The following FAT3 variants were observed in gnomAD, a reference collection of about 807,000 sequenced individuals.
FAT3 encodes FAT atypical cadherin 3, also known as protocadherin Fat 3.
In FAT3, 95 loss-of-function variants were observed where a neutral mutation model predicts 310.2. The ratio of observed to expected loss-of-function variants is 0.31; its 90% CI spans 0.26 to 0.36. The LOEUF (loss-of-function observed/expected upper bound fraction) is 0.36, where lower values mean the gene tolerates loss of function less well. Ranked by LOEUF, FAT3 falls within the 10% of genes least tolerant of loss-of-function variation. The probability of loss-of-function intolerance (pLI) is 1.00; values close to 1 mark genes in which losing one functional copy is unlikely to be tolerated. For synonymous variants in FAT3, 2,314 were observed against 2,192.9 expected (o/e 1.06, Z -1.54); for missense variants, 5,408 against 5,715.6 (o/e 0.95, Z 1.74).
rs1948660287 is a variant in FAT3, at chr11:92,354,209, G to A, written c.2097G>A (p.Lys699=). The A allele has an allele frequency of 1.2e-6, 2 of 1,613,760 alleles. No individual in the cohort carries two copies. The highest frequency in any genetic ancestry group is 1.7e-6 in the Non-Finnish European group (2 of 1,179,832). The change falls in exon 2 of 28, where the codon AAG becomes AAA. Residue 699 remains lysine (K), a synonymous_variant. Coordinates refer to ENST00000525166, the MANE Select transcript of FAT3 (RefSeq NM_001367949.2). ...AGCTGGCAGAGAAACTACTCATTAA[G>A]GCAAAAGCAAATGGGAAACTGAATC... The part of the protein sequence containing the change: ...AQKLAEKLLI[K]AKANGKLNLE...
intron 19 of FAT3, among the ~76,000 whole-genome samples, chr11:92,854,043 C>T (rs747694081): frequency 9.2e-5 from 14 of 152,258 alleles, no homozygotes; most frequent in South Asian, 2.1e-4. Context: ...TTCTGAAGGG[C>T]GCCTGCAGGC....
intron 4 of FAT3, among the ~76,000 whole-genome samples, chr11:92,748,410 T>C (rs1289089742): frequency 6.6e-6 from 1 of 152,194 alleles, no homozygotes; most frequent in Non-Finnish European, 1.5e-5. Flanking sequence ...AGCCAAACCA[T>C]ATGACTCTTT....
intron 3 of FAT3, among the ~76,000 whole-genome samples, chr11:92,563,267 A>G (rs1336825604): frequency 6.6e-6 from 1 of 152,190 alleles, no homozygotes; most frequent in African/African-American, 2.4e-5. Flanking sequence ...TGGACTATAT[A>G]TATAAGCAAC....
chr11:92,524,647 C>T lies in FAT3; in HGVS notation c.3306C>T (p.Ala1102=), dbSNP rs759143957. 1.1e-4 allele frequency: 185 copies of T among 1,612,704 alleles called. No homozygotes were observed. Among genetic ancestry groups the T allele is most frequent in the Middle Eastern group, 3.3e-4 (2 of 6,078 alleles). Residue 1102 remains alanine, a synonymous_variant, in exon 3 of 28, where the codon GCC becomes GCT. Transcript: ENST00000525166. ...TTTTTGTCTCAGGGGTCATCACTGC[C>T]GCAGACATTCTTGATCGGGAGACAA... ...SIDDESGVIT[A]ADILDRETMG...
chr11:92,734,350 C>T (rs1945276686), intron 4 of FAT3, among the ~76,000 whole-genome samples: 1 of 152,086 alleles, frequency 6.6e-6, no homozygotes, highest in South Asian at 2.1e-4. Context: ...CTTTTTGTTC[C>T]AAGTCCAGCA....
At chr11:92,760,753 T>C (rs1296900095) in intron 4 of FAT3, among the ~76,000 whole-genome samples, 1 of 152,176 alleles carries the variant, frequency 6.6e-6, no homozygotes, top group Non-Finnish European at 1.5e-5. Context: ...ACTATCGACA[T>C]GTTAGGTGTT....
intron 24 of FAT3, among the ~76,000 whole-genome samples, chr11:92,885,674 A>T (rs1297419585): frequency 6.6e-6 from 1 of 152,148 alleles, no homozygotes; most frequent in Non-Finnish European, 1.5e-5. Context: ...TTTTTTATTT[A>T]GCAATAAAAA....
chr11:92,463,996 G>A lies in FAT3; in HGVS notation c.3293-60638G>A, dbSNP rs143688694. ...TTGGATACTAAGCACCTAGCACATG[G>A]TTAAGGGCTTTATAAAGCATGGCTT... is the stretch of plus-strand genomic sequence containing the variant. On this transcript the variant is annotated intron_variant, in intron 2 of 27. Coordinates refer to ENST00000525166, the MANE Select transcript of FAT3 (RefSeq NM_001367949.2). Among the ~76,000 whole-genome samples the A allele has an allele frequency of 4.1e-3, 623 of 152,304 alleles. 6 individuals carry two copies. The highest frequency in any genetic ancestry group is 0.014 in the African/African-American group (589 of 41,580).
intron 2 of FAT3, among the ~76,000 whole-genome samples, chr11:92,505,625 T>C (rs1953076814): frequency 6.6e-6 from 1 of 152,148 alleles, no homozygotes; most frequent in Non-Finnish European, 1.5e-5. Context: ...TAATTAAATA[T>C]TGCTTTTAGC....
chr11:92,778,004 G>A (rs1339567259), intron 7 of FAT3, among the ~76,000 whole-genome samples: 3 of 151,972 alleles, frequency 2.0e-5, no homozygotes, highest in African/African-American at 4.8e-5. Context: ...CTCTGATGAA[G>A]TGGAAGATCC....
intron 2 of FAT3, among the ~76,000 whole-genome samples, chr11:92,399,240 CA>C (rs1387964986): frequency 2.0e-5 from 3 of 152,142 alleles, no homozygotes; most frequent in African/African-American, 7.2e-5. Context: ...TGATTGATAT[CA>C]GACATCATGT....
chr11:92,760,422 T>C (rs1307213815), intron 4 of FAT3, among the ~76,000 whole-genome samples: 1 of 152,246 alleles, frequency 6.6e-6, no homozygotes, highest in Non-Finnish European at 1.5e-5. Context: ...TGATTCACTG[T>C]TGTTTTTCTC....
chr11:92,253,582 C>A (rs1212299883), intron 1 of FAT3, among the ~76,000 whole-genome samples: 2 of 152,064 alleles, frequency 1.3e-5, no homozygotes. Context: ...CTCTCACTTG[C>A]CAAGAACACC....
chr11:92,337,677 A>C (rs965597050), intron 1 of FAT3, among the ~76,000 whole-genome samples: 1 of 152,154 alleles, frequency 6.6e-6, no homozygotes, highest in Non-Finnish European at 1.5e-5. Flanking sequence ...GGTGATCCAT[A>C]TGCCTCGGCC....
rs146791315 is a variant in FAT3, at chr11:92,795,960, C to G, written c.4823-1876C>G. Among the ~76,000 whole-genome samples the G allele has an allele frequency of 1.8e-3, 280 of 152,146 alleles. 1 individual carries two copies. The highest frequency in any genetic ancestry group is 0.014 in the Admixed American group (209 of 15,288). ...GTCAAAAGCTGGCTCCCTGCCATCC[C>G]CACCATAATCTATCTTTCTGGGCAT... On this transcript the variant is annotated intron_variant, in intron 9 of 27. Coordinates refer to ENST00000525166, the MANE Select transcript of FAT3 (RefSeq NM_001367949.2).
chr11:92,544,222 G>C (rs1468299831), intron 3 of FAT3, among the ~76,000 whole-genome samples: 1 of 152,112 alleles, frequency 6.6e-6, no homozygotes, highest in Non-Finnish European at 1.5e-5. Context: ...TATCTTTTCA[G>C]AGATATATAT....
At chr11:92,547,212 G>A (rs1172966186) in intron 3 of FAT3, among the ~76,000 whole-genome samples, 3 of 152,250 alleles carry the variant, frequency 2.0e-5, no homozygotes, top group Non-Finnish European at 2.9e-5. Context: ...CTAAAAGGGG[G>A]CAGCCGCTAT....
chr11:92,492,196 A>C (rs1952621123), intron 2 of FAT3, among the ~76,000 whole-genome samples: 1 of 152,024 alleles, frequency 6.6e-6, no homozygotes, highest in Admixed American at 6.6e-5. Context: ...AATTTGGTTA[A>C]AATAATCCTA....
At chr11:92,815,579 A>T (rs1947801908) in intron 13 of FAT3, among the ~76,000 whole-genome samples, 1 of 152,120 alleles carries the variant, frequency 6.6e-6, no homozygotes, top group Non-Finnish European at 1.5e-5. Flanking sequence ...TCTCAAAAAA[A>T]AACCAAGTAA....
Sources: allele counts gnomAD v4.1 joint callset (sites outside exome capture counted in the v4.1 genomes callset), GRCh38; gene constraint gnomAD v4.1.1; transcripts MANE v1.5; gene names NCBI Gene and HGNC (gene_info 2026-07-23, HGNC 2026-07-21).